The following LRRFIP1 variants were observed in gnomAD, a reference collection of about 807,000 sequenced individuals.
LRRFIP1 encodes LRR binding FLII interacting protein 1, also known as leucine-rich repeat flightless-interacting protein 1.
In LRRFIP1, 62 loss-of-function variants were observed where a neutral mutation model predicts 104.4. That is an observed-to-expected ratio of 0.59 (90% CI 0.48 to 0.73). The LOEUF (loss-of-function observed/expected upper bound fraction) is 0.73, where lower values mean the gene tolerates loss of function less well. Among genes scored for constraint, LRRFIP1 ranks in the 30% least tolerant of loss-of-function variants. The pLI is 0.00. For missense variants in LRRFIP1, 796 were observed against 824.5 expected, an observed-to-expected ratio of 0.97 and a Z score of 0.42; for synonymous variants, 300 against 299.0, an observed-to-expected ratio of 1.00 and a Z score of -0.03.
intron 1 of LRRFIP1, among the ~76,000 whole-genome samples, chr2:237,666,775 C>CTT (rs1291349584): frequency 3.1e-5 from 2 of 65,248 alleles, no homozygotes; most frequent in Non-Finnish European, 7.3e-5. Context: ...CTCTCTTTCT[C>CTT]TCTGTCTCTT....
intron 23 of LRRFIP1, among the ~76,000 whole-genome samples, chr2:237,777,356 T>G (rs1050395232): frequency 2.4e-4 from 36 of 152,338 alleles, no homozygotes; most frequent in Middle Eastern, 3.4e-3. Flanking sequence ...ATTTTCCTCC[T>G]CACTGAAGTA....
rs761336330 is a variant in LRRFIP1, at chr2:237,769,949, G to C, written c.1466G>C (p.Arg489Thr). 12 of 1,602,666 alleles carry C rather than the reference G, an allele frequency of 7.5e-6. No homozygotes were observed. Among genetic ancestry groups the C allele is most frequent in the Non-Finnish European group, 8.5e-6 (10 of 1,173,800 alleles). Residue 489 changes from arginine to threonine, a missense_variant, in exon 20 of 24, where the codon AGG becomes ACG. Arg to Thr is a moderately conservative substitution (Grantham distance 71). Transcript: ENST00000308482. ...GTCTTTGTGATTTCTTTAGATATTA[G>C]GTTGAAAAAGCTGGTTGATGAACGG... ...KSTGDGTLDI[R>T]LKKLVDEREC...
intron 1 of LRRFIP1, among the ~76,000 whole-genome samples, chr2:237,693,352 A>G (rs2149785229): frequency 6.6e-6 from 1 of 152,314 alleles, no homozygotes; most frequent in African/African-American, 2.4e-5. Flanking sequence ...GTGTGTGTGT[A>G]AGATTTAAGA....
At chr2:237,733,643 T>G in intron 8 of LRRFIP1, 131 bp from the exon 9 acceptor site, 1 of 819,016 alleles carries the variant, frequency 1.2e-6, no homozygotes, top group Non-Finnish European at 2.0e-6. Context: ...CCTCGATCGG[T>G]TTGTTTCTGT....
rs567994885 is a variant in LRRFIP1, at chr2:237,708,756, G to A, written c.183+126G>A. 356 of 1,072,518 alleles carry A rather than the reference G, an allele frequency of 3.3e-4. 1 individual carries two copies. The African/African-American group carries it at 3.5e-3, about 11-fold the overall frequency. 66.4% of individuals were successfully genotyped at this position (1,072,518 alleles called of 1,614,324 possible). On this transcript the variant is annotated intron_variant, in intron 2 of 23. Coordinates refer to ENST00000308482, the MANE Select transcript of LRRFIP1 (RefSeq NM_001137550.2). Reference sequence around the variant, plus strand: ...CTCACGTTGCTCACGGTCAGAGTGCGTTTGCGCCTGTGACTTCTGCCCAAG... The same window carrying A: ...CTCACGTTGCTCACGGTCAGAGTGCATTTGCGCCTGTGACTTCTGCCCAAG...
chr2:237,742,780 GAGC>G (rs1366051079), intron 11 of LRRFIP1, among the ~76,000 whole-genome samples: 1 of 152,146 alleles, frequency 6.6e-6, no homozygotes, highest in Non-Finnish European at 1.5e-5. Flanking sequence ...TGGGAGGGAG[GAGC>G]AACAGGTCTT....
chr2:237,696,682 A>G (rs1481871540), intron 1 of LRRFIP1, among the ~76,000 whole-genome samples: 1 of 152,242 alleles, frequency 6.6e-6, no homozygotes, highest in Non-Finnish European at 1.5e-5. Context: ...CAGTGGAGCC[A>G]GTTCAGACCC....
intron 19 of LRRFIP1, among the ~76,000 whole-genome samples, chr2:237,760,836 C>T (rs934310995): frequency 2.0e-5 from 3 of 152,100 alleles, no homozygotes; most frequent in Non-Finnish European, 4.4e-5. Context: ...TTGTATGCCA[C>T]GTGTTTGCTT....
chr2:237,635,256 G>A (rs2082919144), intron 1 of LRRFIP1, among the ~76,000 whole-genome samples: 1 of 152,186 alleles, frequency 6.6e-6, no homozygotes, highest in Non-Finnish European at 1.5e-5. Flanking sequence ...TCCAAAAAAT[G>A]ATGAACTCTG....
intron 1 of LRRFIP1, among the ~76,000 whole-genome samples, chr2:237,707,290 G>A (rs2093857450): frequency 1.3e-5 from 2 of 150,632 alleles, no homozygotes; most frequent in Admixed American, 1.3e-4. Context: ...TCTAGGAGCC[G>A]GTTGTGGTGG....
At chr2:237,627,887 G>A (rs1300435704) in intron 1 of LRRFIP1, 147 bp downstream of exon 1, 3 of 428,552 alleles carry the variant, frequency 7.0e-6, no homozygotes, top group East Asian at 4.7e-5. Context: ...GCAGGCGCGC[G>A]CCGGGGCGCT....
At chr2:237,654,637 G>A (rs62183644) in intron 1 of LRRFIP1, among the ~76,000 whole-genome samples, 20,247 of 151,486 alleles carry the variant, frequency 0.13, 1,859 homozygotes, top group Non-Finnish European at 0.21. Flanking sequence ...TGCAACCTCC[G>A]CCTCACGGGT....
intron 1 of LRRFIP1, among the ~76,000 whole-genome samples, chr2:237,674,174 G>A (rs997982468): frequency 6.6e-6 from 1 of 152,152 alleles, no homozygotes; most frequent in Non-Finnish European, 1.5e-5. Flanking sequence ...GTGTCCAGAC[G>A]GCAGGGGCTG....
intron 1 of LRRFIP1, among the ~76,000 whole-genome samples, chr2:237,692,848 C>G (rs896450154): frequency 2.0e-5 from 3 of 152,280 alleles, no homozygotes; most frequent in Non-Finnish European, 4.4e-5. Context: ...TCACAGGGAG[C>G]TGCTAGTTTG....
chr2:237,710,571 G>A (rs939517074), intron 2 of LRRFIP1, among the ~76,000 whole-genome samples: 1 of 152,140 alleles, frequency 6.6e-6, no homozygotes, highest in African/African-American at 2.4e-5. Context: ...ACAGGTGTTA[G>A]CCATCACACC....
intron 2 of LRRFIP1, among the ~76,000 whole-genome samples, chr2:237,709,343 C>T (rs550022462): frequency 7.5e-4 from 114 of 152,322 alleles, no homozygotes; most frequent in African/African-American, 2.7e-3. Flanking sequence ...CATGTTCTCC[C>T]GTGGGCCATG....
intron 20 of LRRFIP1, among the ~76,000 whole-genome samples, chr2:237,771,513 C>T (rs940433075): frequency 1.4e-5 from 2 of 146,484 alleles, no homozygotes; most frequent in African/African-American, 5.1e-5. Context: ...GGGACTTGAG[C>T]ATCCACAGAT....
rs759230866 is a variant in LRRFIP1 at position 237,762,516 on chromosome 2, G to A, written c.1459+2311G>A. 7.6e-6 allele frequency: 8 copies of A among 1,046,116 alleles called. No individual in the cohort carries two copies. The South Asian group carries it at 8.4e-5, about 11-fold the overall frequency. 64.8% of individuals were successfully genotyped at this position (1,046,116 alleles called of 1,614,324 possible). A position where few individuals can be genotyped will look rare whatever the true frequency, so the allele number is the denominator to read the frequency against. On this transcript the variant is annotated intron_variant, in intron 19 of 23. Transcript: ENST00000308482. ...CTGTCTTTAGGAATAGGGGTGGGTG[G>A]GATTTGGAACGTGTGTTTACATTCT...
chr2:237,713,837 C>G (rs1559640322), intron 2 of LRRFIP1, among the ~76,000 whole-genome samples: 1 of 152,218 alleles, frequency 6.6e-6, no homozygotes, highest in African/African-American at 2.4e-5. Context: ...ATCAGAACAT[C>G]AAAGCCTCTT....
Sources: allele counts gnomAD v4.1 joint callset (sites outside exome capture counted in the v4.1 genomes callset), GRCh38; gene constraint gnomAD v4.1.1; transcripts MANE v1.5; gene names NCBI Gene and HGNC (gene_info 2026-07-23, HGNC 2026-07-21).